The following HAPLN4 variants were observed in gnomAD, a reference collection of about 807,000 sequenced individuals.
The protein encoded by HAPLN4 is brain link protein 2.
HAPLN4 carries 19 observed loss-of-function variants against 28.0 expected under a neutral mutation model. The observed-to-expected ratio is 0.68, with a 90% CI of 0.47 to 1.00. The LOEUF (loss-of-function observed/expected upper bound fraction) is 1.00, where lower values mean the gene tolerates loss of function less well. HAPLN4 is among the 50% of genes least tolerant of loss of function. The pLI, the probability that HAPLN4 is intolerant of heterozygous loss-of-function variation, is 0.00. For synonymous variants in HAPLN4, 274 were observed against 273.0 expected (o/e 1.00, Z -0.03); for missense variants, 587 against 602.6 (o/e 0.97, Z 0.27).
Position 19,256,875 on chromosome 19 carries a change from A to C in HAPLN4, c.*942T>G, listed in dbSNP as rs1457254711. ...CTTCATGGGTGTGCCTGATGAGGGAAGGGGTGTGTGACTCTAGGTGACAGG... is the reference window on the plus strand; with the variant it reads ...CTTCATGGGTGTGCCTGATGAGGGACGGGGTGTGTGACTCTAGGTGACAGG... On this transcript the variant is annotated 3_prime_UTR_variant, in exon 5 of 5. Transcript: ENST00000291481. 6.6e-6 allele frequency: 1 copy of C among 152,670 alleles called. No individual in the cohort carries two copies. Among genetic ancestry groups the C allele is most frequent in the African/African-American group, 2.4e-5 (1 of 41,370 alleles). The allele number at this position is 152,670 out of a possible 1,614,324, so 9.5% of individuals were successfully genotyped here. A position where few individuals can be genotyped will look rare whatever the true frequency, so the allele number is the denominator to read the frequency against.
intron 2 of HAPLN4, 132 bp downstream of exon 2, chr19:19,261,314 A>C: frequency 8.1e-7 from 1 of 1,241,364 alleles, no homozygotes; most frequent in Non-Finnish European, 1.2e-6. Context: ...GCTCAGGGAG[A>C]GGGCGAGGGG....
rs1464217454 is a variant in HAPLN4, at chr19:19,257,829, A to AG, written c.1196dup (p.Leu400SerfsTer8). ...GCCTACTCCCAGCCTAGACGTGCAG[A>AG]GGGGTCCAGGCAGCAGGATCGCGCG... On this transcript the variant is annotated frameshift_variant, in exon 5 of 5. Coordinates refer to ENST00000291481, the MANE Select transcript of HAPLN4 (RefSeq NM_023002.3). LOFTEE classifies it high-confidence loss of function. 1 of 1,409,100 alleles carries AG rather than the reference A, an allele frequency of 7.1e-7. No homozygotes were observed. Among genetic ancestry groups the AG allele is most frequent in the African/African-American group, 1.5e-5 (1 of 66,764 alleles). The allele number at this position is 1,409,100 out of a possible 1,614,324, so 87.3% of individuals were successfully genotyped here. A position where few individuals can be genotyped will look rare whatever the true frequency, so the allele number is the denominator to read the frequency against.
Position 19,260,741 on chromosome 19 carries a change from T to G in HAPLN4, c.484+72A>C. On this transcript the variant is annotated intron_variant, in intron 3 of 4. Transcript: ENST00000291481. ...ATGCCTGCAGGCCAACTTGATTTGG[T>G]TTATGTCCCTTGCCATCCCCGCCCC... 3 of 1,543,448 alleles carry G rather than the reference T, an allele frequency of 1.9e-6. No individual in the cohort carries two copies. The African/African-American group carries it at 4.0e-5, about 21-fold the overall frequency.
chr19:19,260,718 G>A (rs1599833240), intron 3 of HAPLN4, 95 bp downstream of exon 3: 2 of 1,469,800 alleles, frequency 1.4e-6, no homozygotes, highest in East Asian at 4.6e-5. Context: ...CCTTCTAAAT[G>A]CCTGCAGGCC....
chr19:19,255,694 G>C lies in HAPLN4; in HGVS notation c.*2123C>G, dbSNP rs2060963399. On this transcript the variant is annotated 3_prime_UTR_variant, in exon 5 of 5. Transcript: ENST00000291481. ...TTTATTGAGCCCCTACTGTATGCTT[G>C]GCACTCACGGGGACCACAGAACAGC... 1.3e-5 allele frequency: 2 copies of C among 152,234 alleles called. No homozygotes were observed. Among genetic ancestry groups the C allele is most frequent in the Non-Finnish European group, 2.9e-5 (2 of 68,062 alleles). 9.4% of individuals were successfully genotyped at this position (152,234 alleles called of 1,614,324 possible).
Position 19,258,538 on chromosome 19 carries a change from T to G in HAPLN4, c.802A>C (p.Thr268Pro), listed in dbSNP as rs1251869156. ...AEERYDAFCF[T>P]SNLPGRVFFL... ...GCCTACGCACCCGGCAGGTTGGACGTGAAGCAGAAGGCGTCGTAGCGTTCC... is the reference window on the plus strand; with the variant it reads ...GCCTACGCACCCGGCAGGTTGGACGGGAAGCAGAAGGCGTCGTAGCGTTCC... Residue 268 changes from threonine (T) to proline (P), a missense_variant, in exon 4 of 5, where the codon ACG becomes CCG. Coordinates refer to ENST00000291481, the MANE Select transcript of HAPLN4 (RefSeq NM_023002.3). This position sits in a 1 kb window ranked among gnomAD's most constrained non-coding sequence, Gnocchi z 6.2. 6.2e-7 allele frequency: 1 copy of G among 1,613,464 alleles called. No individual in the cohort carries two copies. Among genetic ancestry groups the G allele is most frequent in the Non-Finnish European group, 8.5e-7 (1 of 1,179,860 alleles).
Position 19,262,722 on chromosome 19 carries a change from C to T in HAPLN4, c.3+8G>A. ...GCACACACCACCCGCGCCCGCAGCC[C>T]CACTTACCATCTTGCCCGCGCGGCC... is the stretch of plus-strand genomic sequence containing the variant. On this transcript the variant is annotated splice_region_variant and intron_variant, in intron 1 of 4. Transcript: ENST00000291481. The T allele has an allele frequency of 6.2e-7, 1 of 1,612,474 alleles. No homozygotes were observed. The highest frequency in any genetic ancestry group is 8.5e-7 in the Non-Finnish European group (1 of 1,179,326).
At chr19:19,261,351 C>G (rs1277153653) in intron 2 of HAPLN4, 95 bp downstream of exon 2, 2 of 1,303,290 alleles carry the variant, frequency 1.5e-6, no homozygotes, top group East Asian at 2.3e-5. Context: ...CTGGGGGAAC[C>G]GCGGACGTCA....
rs1353584421 is a variant in HAPLN4, at chr19:19,258,310, TC to T, written c.818-103del. On this transcript the variant is annotated intron_variant, in intron 4 of 4. Transcript: ENST00000291481. This position sits in a 1 kb window ranked among gnomAD's most constrained non-coding sequence, Gnocchi z 6.2. ...CCGCATGCAGCCTAGGACTCTGGCCTCGGCCCCGGGATCCAGGAACAGTTCC... is the reference window on the plus strand; with the variant it reads ...CCGCATGCAGCCTAGGACTCTGGCCTGGCCCCGGGATCCAGGAACAGTTCC... 3.9e-6 allele frequency: 5 copies of T among 1,291,322 alleles called. No individual in the cohort carries two copies. Among genetic ancestry groups the T allele is most frequent in the Non-Finnish European group, 5.2e-6 (5 of 965,938 alleles). The allele number at this position is 1,291,322 out of a possible 1,614,324, so 80.0% of individuals were successfully genotyped here. A position where few individuals can be genotyped will look rare whatever the true frequency, so the allele number is the denominator to read the frequency against.
intron 1 of HAPLN4, 29 bp from the exon 2 acceptor site, chr19:19,261,592 C>CTTGGCTTTTCGG: frequency 5.1e-6 from 7 of 1,385,176 alleles, no homozygotes; most frequent in Non-Finnish European, 6.6e-6. Flanking sequence ...GCGCTCAGTC[C>CTTGGCTTTTCGG]AGCCTCCCAG....
Position 19,258,519 on chromosome 19 carries a change from G to A in HAPLN4, c.817+4C>T, listed in dbSNP as rs2060973444. 6.2e-7 allele frequency: 1 copy of A among 1,612,478 alleles called. No individual in the cohort carries two copies. Among genetic ancestry groups the A allele is most frequent in the Non-Finnish European group, 8.5e-7 (1 of 1,179,486 alleles). ...AGGCCAGTCTTGGGGTGAGGCCTAC[G>A]CACCCGGCAGGTTGGACGTGAAGCA... On this transcript the variant is annotated splice_donor_region_variant and intron_variant, in intron 4 of 4. Coordinates refer to ENST00000291481, the MANE Select transcript of HAPLN4 (RefSeq NM_023002.3). This position sits in a 1 kb window ranked among gnomAD's most constrained non-coding sequence, Gnocchi z 6.2.
At chr19:19,261,333 G>C in intron 2 of HAPLN4, 113 bp downstream of exon 2, 1 of 1,232,566 alleles carries the variant, frequency 8.1e-7, no homozygotes, top group South Asian at 1.2e-5. Flanking sequence ...GGCTCAGATG[G>C]GGAGTGGCTG....
Position 19,258,126 on chromosome 19 carries a change from C to T in HAPLN4, c.900G>A (p.Val300=), listed in dbSNP as rs746062620. The T allele has an allele frequency of 1.9e-6, 3 of 1,549,444 alleles. No individual in the cohort carries two copies. The highest frequency in any genetic ancestry group is 3.8e-5 in the Admixed American group (2 of 52,932). ...ARACAARGAA[V]AKVGQLFAAW... The stretch of plus-strand genomic sequence containing the variant: ...CGGCGAACAGCTGCCCCACCTTGGC[C>T]ACGGCCGCGCCACGCGCAGCACACG... The change falls in exon 5 of 5, where the codon GTG becomes GTA. Residue 300 remains valine (V), a synonymous_variant. Coordinates refer to ENST00000291481, the MANE Select transcript of HAPLN4 (RefSeq NM_023002.3). The surrounding 1 kb of genome is among the most constrained non-coding windows in gnomAD (Gnocchi z 6.2).
intron 3 of HAPLN4, among the ~76,000 whole-genome samples, chr19:19,259,403 G>A (rs944554351): frequency 6.6e-6 from 1 of 152,182 alleles, no homozygotes; most frequent in Non-Finnish European, 1.5e-5. Context: ...TTTGGAACTT[G>A]TCCCTCATTG....
At position 19,258,372 on chromosome 19, in the gene HAPLN4, C is replaced by T; in HGVS notation, c.817+151G>A. On this transcript the variant is annotated intron_variant, in intron 4 of 4. Coordinates refer to ENST00000291481, the MANE Select transcript of HAPLN4 (RefSeq NM_023002.3). This position sits in a 1 kb window ranked among gnomAD's most constrained non-coding sequence, Gnocchi z 6.2. ...CCTGGGACCCCAGCCTAGGCCCAAC[C>T]AGCGTTGGTACCAGGCGGTGTGTGC... The T allele has an allele frequency of 9.2e-7, 1 of 1,085,474 alleles. No individual in the cohort carries two copies. The highest frequency in any genetic ancestry group is 1.3e-6 in the Non-Finnish European group (1 of 770,960). 67.2% of individuals were successfully genotyped at this position (1,085,474 alleles called of 1,614,324 possible).
intron 3 of HAPLN4, among the ~76,000 whole-genome samples, chr19:19,260,561 A>T (rs56135441): frequency 0.19 from 28,930 of 152,086 alleles, 3,252 homozygotes; most frequent in African/African-American, 0.3. Flanking sequence ...GGTAGGATGT[A>T]TAGCTGCATC....
At position 19,262,770 on chromosome 19, in the gene HAPLN4, C is replaced by G; in HGVS notation, c.-38G>C. On this transcript the variant is annotated 5_prime_UTR_variant, in exon 1 of 5. Transcript: ENST00000291481. ...GCCCCCGCCGAGCGGCCCCTACGCACCCGGACTGCGCTCCCCGCACACCCG... is the reference window on the plus strand; with the variant it reads ...GCCCCCGCCGAGCGGCCCCTACGCAGCCGGACTGCGCTCCCCGCACACCCG... 6.2e-7 allele frequency: 1 copy of G among 1,605,714 alleles called. No homozygotes were observed. The highest frequency in any genetic ancestry group is 8.5e-7 in the Non-Finnish European group (1 of 1,175,894).
chr19:19,258,022 G>C lies in HAPLN4; in HGVS notation c.1004C>G (p.Pro335Arg). ...DGSARYPIVN[P>R]RARCGGRRPG... is the part of the protein sequence containing the mutation. Reference sequence around the variant, plus strand: ...CCTGCGGCCTCCGCAGCGCGCTCGCGGGTTCACGATGGGGTAGCGCGCACT... The same window carrying C: ...CCTGCGGCCTCCGCAGCGCGCTCGCCGGTTCACGATGGGGTAGCGCGCACT... Residue 335 changes from proline to arginine, a missense_variant, in exon 5 of 5, where the codon CCG (proline) becomes CGG (arginine). Coordinates refer to ENST00000291481, the MANE Select transcript of HAPLN4 (RefSeq NM_023002.3). This position sits in a 1 kb window ranked among gnomAD's most constrained non-coding sequence, Gnocchi z 6.2. The C allele has an allele frequency of 6.6e-7, 1 of 1,525,384 alleles. No homozygotes were observed. The highest frequency in any genetic ancestry group is 8.8e-7 in the Non-Finnish European group (1 of 1,141,934). The allele number at this position is 1,525,384 out of a possible 1,614,324, so 94.5% of individuals were successfully genotyped here.
In HAPLN4 at chr19:19,261,710, C is replaced by T. The variant is rs1472989881; in HGVS notation, c.4-147G>A. ...TTTCCGGGGTCCTGGAGAACTCCCC[C>T]TCCTCCTCTTGGGACCTCACATCCT... On this transcript the variant is annotated intron_variant, in intron 1 of 4. Coordinates refer to ENST00000291481, the MANE Select transcript of HAPLN4 (RefSeq NM_023002.3). The T allele has an allele frequency of 8.9e-5, 50 of 559,654 alleles. No individual in the cohort carries two copies. The East Asian group carries it at 1.6e-3, about 18-fold the overall frequency. 34.7% of individuals were successfully genotyped at this position (559,654 alleles called of 1,614,324 possible). A position where few individuals can be genotyped will look rare whatever the true frequency, so the allele number is the denominator to read the frequency against.
Sources: allele counts gnomAD v4.1 joint callset (sites outside exome capture counted in the v4.1 genomes callset), GRCh38; gene constraint gnomAD v4.1.1; non-coding constraint Gnocchi (gnomAD v3.1); transcripts MANE v1.5; gene names NCBI Gene and HGNC (gene_info 2026-07-23, HGNC 2026-07-21).